The following ZFAND3 variants were observed in gnomAD, a reference collection of about 807,000 sequenced individuals.
The protein encoded by ZFAND3 is zinc finger AN1-type containing 3, also known as AN1-type zinc finger protein 3.
A neutral mutation model predicts 29.6 loss-of-function variants in ZFAND3; 10 were observed. The ratio of observed to expected loss-of-function variants is 0.34; its 90% CI spans 0.21 to 0.57. The LOEUF (loss-of-function observed/expected upper bound fraction) is 0.57. ZFAND3 is among the 20% of genes least tolerant of loss of function. ZFAND3 has a pLI of 0.86. For synonymous variants in ZFAND3, 128 were observed against 112.6 expected, an observed-to-expected ratio of 1.14 and a Z score of -0.87; for missense variants, 230 against 304.5, an observed-to-expected ratio of 0.76 and a Z score of 1.82.
At chr6:37,882,081 A>G (rs967333149) in intron 1 of ZFAND3, among the ~76,000 whole-genome samples, 1 of 152,134 alleles carries the variant, frequency 6.6e-6, no homozygotes, top group Non-Finnish European at 1.5e-5. Flanking sequence ...TCTCGTGCAA[A>G]GATAGCTCTG....
chr6:37,926,520 C>T (rs1761487456), intron 1 of ZFAND3, among the ~76,000 whole-genome samples: 2 of 152,210 alleles, frequency 1.3e-5, no homozygotes, highest in South Asian at 2.1e-4. Flanking sequence ...ATGTTCTTTG[C>T]CTCTCTCTCT....
intron 2 of ZFAND3, among the ~76,000 whole-genome samples, chr6:37,962,113 A>G (rs1247712445): frequency 6.6e-6 from 1 of 152,252 alleles, no homozygotes; most frequent in Non-Finnish European, 1.5e-5. Context: ...GAAATTCAAG[A>G]TAACACAGAA....
At chr6:37,870,863 T>C (rs1206155861) in intron 1 of ZFAND3, among the ~76,000 whole-genome samples, 2 of 152,172 alleles carry the variant, frequency 1.3e-5, no homozygotes, top group Non-Finnish European at 2.9e-5. Context: ...GTAATTCTTA[T>C]GATTGTTTTC....
At chr6:38,046,849 T>C (rs540512287) in intron 2 of ZFAND3, among the ~76,000 whole-genome samples, 2 of 152,284 alleles carry the variant, frequency 1.3e-5, no homozygotes, top group Admixed American at 1.3e-4. Flanking sequence ...CTTAATATGG[T>C]TTTATGGCAT....
At chr6:38,053,564 G>A (rs1449352290) in intron 2 of ZFAND3, among the ~76,000 whole-genome samples, 8 of 152,082 alleles carry the variant, frequency 5.3e-5, no homozygotes, top group African/African-American at 1.9e-4. Context: ...CACACTGGTA[G>A]TTGCAGCTAC....
intron 2 of ZFAND3, among the ~76,000 whole-genome samples, chr6:37,968,708 G>C (rs1004213582): frequency 1.3e-5 from 2 of 151,882 alleles, no homozygotes; most frequent in Non-Finnish European, 2.9e-5. Context: ...TCCCCCTTCC[G>C]CCTTCCCGCT....
intron 1 of ZFAND3, among the ~76,000 whole-genome samples, chr6:37,876,594 A>C (rs958812627): frequency 6.6e-6 from 1 of 152,228 alleles, no homozygotes; most frequent in African/African-American, 2.4e-5. Context: ...TGAAATGATC[A>C]GAGGTAATGA....
intron 4 of ZFAND3, among the ~76,000 whole-genome samples, chr6:38,086,207 G>T (rs1764754151): frequency 1.3e-5 from 2 of 151,964 alleles, no homozygotes; most frequent in Non-Finnish European, 2.9e-5. Context: ...TTATATGATG[G>T]CTTTTAGCCA....
At chr6:38,142,135 G>A in intron 5 of ZFAND3, 1 of 465,434 alleles carries the variant, frequency 2.1e-6, no homozygotes, top group Non-Finnish European at 4.5e-6. Context: ...GTGGAAGCAG[G>A]GTTGAAACTA....
Position 37,945,324 on chromosome 6 carries a change from T to C in ZFAND3, c.112+15325T>C, listed in dbSNP as rs540699359. Among the ~76,000 whole-genome samples, 127 of 152,338 alleles carry C rather than the reference T, an allele frequency of 8.3e-4. 1 individual carries two copies. The highest frequency in any genetic ancestry group is 3.0e-3 in the African/African-American group (126 of 41,578). The stretch of plus-strand genomic sequence containing the variant: ...GTCTCAGGGCTTGGGGGAAACTATA[T>C]GGTATTCTGGAAAAATACCACGTGG... On this transcript the variant is annotated intron_variant, in intron 2 of 5. Transcript: ENST00000287218.
At chr6:38,108,282 T>G (rs1562002283) in intron 4 of ZFAND3, among the ~76,000 whole-genome samples, 1 of 152,176 alleles carries the variant, frequency 6.6e-6, no homozygotes, top group Non-Finnish European at 1.5e-5. Flanking sequence ...GTATTAGGAT[T>G]CTTCAGAGGG....
chr6:38,122,371 G>A (rs918723718), intron 5 of ZFAND3, among the ~76,000 whole-genome samples: 2 of 152,198 alleles, frequency 1.3e-5, no homozygotes, highest in African/African-American at 2.4e-5. Context: ...AAAAACCTGT[G>A]TCAGTGCAGA....
rs562208284 is a variant in ZFAND3, at chr6:38,106,078, A to T, written c.362-10494A>T. 1.7e-4 allele frequency among the ~76,000 whole-genome samples: 26 copies of T among 152,254 alleles called. No homozygotes were observed. The South Asian group carries it at 5.2e-3, about 30-fold the overall frequency. ...AAGGGCCTTTGCTTCCCAGACTGTG[A>T]AATGTTCTATTTAGTGGATGGTTTT... On this transcript the variant is annotated intron_variant, in intron 4 of 5. Coordinates refer to ENST00000287218, the MANE Select transcript of ZFAND3 (RefSeq NM_021943.3).
At chr6:38,127,447 G>A (rs950374204) in intron 5 of ZFAND3, among the ~76,000 whole-genome samples, 6 of 152,168 alleles carry the variant, frequency 3.9e-5, no homozygotes, top group Non-Finnish European at 8.8e-5. Flanking sequence ...TATGTCACGC[G>A]TGTGTCTAGC....
chr6:37,840,095 G>A (rs1764044555), intron 1 of ZFAND3, among the ~76,000 whole-genome samples: 1 of 151,500 alleles, frequency 6.6e-6, no homozygotes, highest in African/African-American at 2.4e-5. Context: ...CATTTAAGTT[G>A]GTTATCTATT....
At chr6:38,013,028 G>T (rs1314937881) in intron 2 of ZFAND3, among the ~76,000 whole-genome samples, 1 of 152,196 alleles carries the variant, frequency 6.6e-6, no homozygotes, top group Non-Finnish European at 1.5e-5. Flanking sequence ...TTATACTTGA[G>T]TGTATTTTCT....
At position 38,125,745 on chromosome 6, in the gene ZFAND3, G is replaced by GAAA. The variant is rs538330754; in HGVS notation, c.529+9006_529+9007insAAA. Among the ~76,000 whole-genome samples, 7 of 152,288 alleles carry GAAA rather than the reference G, an allele frequency of 4.6e-5. No homozygotes were observed. In the South Asian group the frequency reaches 1.5e-3, roughly 32 times the overall value. Reference sequence around the variant, plus strand: ...GGGAGAAAAATTATTATAAAAGGAAGTGAATTATTAGTGTCTTTTATTTTA... The same window carrying GAAA: ...GGGAGAAAAATTATTATAAAAGGAAGAAATGAATTATTAGTGTCTTTTATTTTA... On this transcript the variant is annotated intron_variant, in intron 5 of 5. Coordinates refer to ENST00000287218, the MANE Select transcript of ZFAND3 (RefSeq NM_021943.3).
At chr6:38,097,437 G>A (rs1581914870) in intron 4 of ZFAND3, among the ~76,000 whole-genome samples, 1 of 151,952 alleles carries the variant, frequency 6.6e-6, no homozygotes, top group Admixed American at 6.6e-5. Flanking sequence ...TTTTACTGGG[G>A]GCTGTGTGTG....
intron 4 of ZFAND3, among the ~76,000 whole-genome samples, chr6:38,100,264 A>G (rs1765066537): frequency 6.6e-6 from 1 of 151,978 alleles, no homozygotes; most frequent in South Asian, 2.1e-4. Flanking sequence ...GAGTTTCACC[A>G]TGTTGGCCAG....
Sources: gnomAD v4.1 joint callset for allele counts (sites outside exome capture counted in the v4.1 genomes callset) on GRCh38, gnomAD v4.1.1 for gene constraint, MANE v1.5 for transcripts, NCBI Gene and HGNC (gene_info 2026-07-23, HGNC 2026-07-21) for gene names.